TMEM131: variants seen among roughly 807,000 people sequenced by gnomAD.
TMEM131 encodes the protein 2610524E03Rik.
TMEM131 carries 66 observed loss-of-function variants against 211.6 expected under a neutral mutation model. The observed-to-expected ratio is 0.31, with a 90% CI of 0.26 to 0.38. The LOEUF (loss-of-function observed/expected upper bound fraction) is 0.38, where lower values mean the gene tolerates loss of function less well. Ranked by LOEUF, TMEM131 falls within the 10% of genes least tolerant of loss-of-function variation. The pLI is 1.00. For missense variants in TMEM131, 2,036 were observed against 2,299.3 expected, an observed-to-expected ratio of 0.89 and a Z score of 2.34; for synonymous variants, 844 against 841.3, an observed-to-expected ratio of 1.00 and a Z score of -0.06.
At chr2:97,779,414 C>T (rs1351146335) in intron 31 of TMEM131, among the ~76,000 whole-genome samples, 1 of 152,220 alleles carries the variant, frequency 6.6e-6, no homozygotes, top group African/African-American at 2.4e-5. Flanking sequence ...CCGCTTGCCC[C>T]TGGGTGGGCT....
At chr2:97,797,217 T>C in intron 26 of TMEM131, 148 bp downstream of exon 26, 1 of 867,180 alleles carries the variant, frequency 1.2e-6, no homozygotes. Context: ...AACAAAGGTA[T>C]GTTTCATCAG....
At chr2:97,927,592 G>T in intron 1 of TMEM131, 105 bp from the exon 2 acceptor site, 4 of 949,600 alleles carry the variant, frequency 4.2e-6, no homozygotes, top group Middle Eastern at 2.8e-4. Flanking sequence ...TCTAAAAATG[G>T]ACTGCTTAAT....
intron 3 of TMEM131, among the ~76,000 whole-genome samples, chr2:97,889,066 G>C (rs1280655758): frequency 6.6e-6 from 1 of 152,042 alleles, no homozygotes; most frequent in Admixed American, 6.6e-5. Flanking sequence ...AATAGACAAG[G>C]ACATTCATAA....
At chr2:97,964,189 A>T (rs1370182778) in intron 1 of TMEM131, among the ~76,000 whole-genome samples, 1 of 152,196 alleles carries the variant, frequency 6.6e-6, no homozygotes, top group Non-Finnish European at 1.5e-5. Context: ...CCCAGACAAA[A>T]TAATAATAAT....
chr2:97,928,974 T>C (rs1439794256), intron 1 of TMEM131, among the ~76,000 whole-genome samples: 3 of 151,864 alleles, frequency 2.0e-5, no homozygotes, highest in African/African-American at 7.3e-5. Flanking sequence ...CATACATGTA[T>C]TTCCTTGCTC....
At chr2:97,955,795 C>T (rs568705940) in intron 1 of TMEM131, among the ~76,000 whole-genome samples, 1 of 151,982 alleles carries the variant, frequency 6.6e-6, no homozygotes, top group South Asian at 2.1e-4. Context: ...AAAGTGAAAG[C>T]TATGTACAGG....
intron 17 of TMEM131, among the ~76,000 whole-genome samples, chr2:97,811,709 CGT>C (rs1392524293): frequency 3.9e-5 from 6 of 152,208 alleles, no homozygotes; most frequent in Non-Finnish European, 5.9e-5. Context: ...TCCACGGAAA[CGT>C]GTTTGTCAAC....
Position 97,805,112 on chromosome 2 carries a change from C to G in TMEM131, c.2378G>C (p.Gly793Ala). The change falls in exon 22 of 41, where the codon GGA (glycine) becomes GCA (alanine). Residue 793 changes from glycine (G) to alanine (A), a missense_variant. By Grantham distance (60) the Gly-to-Ala change is moderately conservative. This residue lies in a region of TMEM131 where 1,623 missense variants were observed against 1,805.9 expected (regional missense o/e 0.90). Coordinates refer to ENST00000186436, the MANE Select transcript of TMEM131 (RefSeq NM_015348.2). ...CCTATGACCTGAATTTTCCTTTATTCCTGTCCATCCCTTGAACAGGCTTTG... is the reference window on the plus strand; with the variant it reads ...CCTATGACCTGAATTTTCCTTTATTGCTGTCCATCCCTTGAACAGGCTTTG... ...LHQSLFKGWT[G>A]IKENSGHRLS... 1.2e-6 allele frequency: 2 copies of G among 1,612,856 alleles called. No individual in the cohort carries two copies. Among genetic ancestry groups the G allele is most frequent in the Non-Finnish European group, 1.7e-6 (2 of 1,179,460 alleles).
At chr2:97,867,264 T>C (rs1272635869) in intron 4 of TMEM131, among the ~76,000 whole-genome samples, 2 of 152,232 alleles carry the variant, frequency 1.3e-5, no homozygotes, top group African/African-American at 4.8e-5. Context: ...ATAGCCATTA[T>C]TGAAAATGGG....
rs529644026 is a variant in TMEM131, at chr2:97,943,430, T to G, written c.188-15943A>C. ...CTCAACAAAATACAAGCAAATCATA[T>G]CTAGAAACATATACAAAGGATTATA... On this transcript the variant is annotated intron_variant, in intron 1 of 40. Transcript: ENST00000186436. 2.0e-5 allele frequency among the ~76,000 whole-genome samples: 3 copies of G among 152,114 alleles called. No individual in the cohort carries two copies. In the South Asian group the frequency reaches 6.2e-4, roughly 31 times the overall value.
intron 1 of TMEM131, among the ~76,000 whole-genome samples, chr2:97,956,482 A>T (rs566058139): frequency 6.6e-6 from 1 of 152,150 alleles, no homozygotes; most frequent in Non-Finnish European, 1.5e-5. Context: ...TCAGGGTACA[A>T]ATTAAAATTT....
chr2:97,924,417 G>A (rs756519147), intron 2 of TMEM131, among the ~76,000 whole-genome samples: 5 of 152,216 alleles, frequency 3.3e-5, no homozygotes, highest in Admixed American at 1.3e-4. Context: ...GTGGAGCTCC[G>A]TATGCTGGCC....
intron 4 of TMEM131, among the ~76,000 whole-genome samples, chr2:97,864,565 G>A (rs1020515237): frequency 1.3e-5 from 2 of 151,870 alleles, no homozygotes; most frequent in African/African-American, 4.8e-5. Flanking sequence ...ATTAATCAGG[G>A]GCTAATTTAG....
intron 1 of TMEM131, among the ~76,000 whole-genome samples, chr2:97,976,053 T>C (rs1407158550): frequency 1.3e-5 from 2 of 152,106 alleles, no homozygotes; most frequent in Non-Finnish European, 2.9e-5. Flanking sequence ...AAGAACCTCC[T>C]CAACCTGGGA....
At chr2:97,881,488 G>A (rs1037297090) in intron 4 of TMEM131, among the ~76,000 whole-genome samples, 8 of 151,782 alleles carry the variant, frequency 5.3e-5, no homozygotes, top group Admixed American at 2.0e-4. Flanking sequence ...GATTACAGGC[G>A]TGAGCCACAG....
intron 5 of TMEM131, among the ~76,000 whole-genome samples, chr2:97,857,961 A>G (rs1673916245): frequency 6.6e-6 from 1 of 152,252 alleles, no homozygotes; most frequent in Non-Finnish European, 1.5e-5. Context: ...TAGAAAAGGG[A>G]TATTTCCACA....
At chr2:97,880,292 T>C (rs1401733857) in intron 4 of TMEM131, among the ~76,000 whole-genome samples, 1 of 152,204 alleles carries the variant, frequency 6.6e-6, no homozygotes, top group Middle Eastern at 3.2e-3. Context: ...ATTTAGCATT[T>C]ATCCTGAAGG....
chr2:97,757,262 C>G lies in TMEM131; in HGVS notation c.5489G>C (p.Gly1830Ala). 1 of 1,613,850 alleles carries G rather than the reference C, an allele frequency of 6.2e-7. No individual in the cohort carries two copies. Among genetic ancestry groups the G allele is most frequent in the Non-Finnish European group, 8.5e-7 (1 of 1,179,872 alleles). Residue 1830 changes from glycine to alanine, a missense_variant, in exon 41 of 41, where the codon GGC (glycine) becomes GCC (alanine). Physicochemically the swap from Gly to Ala is moderately conservative, Grantham distance 60. Coordinates refer to ENST00000186436, the MANE Select transcript of TMEM131 (RefSeq NM_015348.2). ...TTPANTLASI[G>A]LMGTENSPAP... ...AGGGGAGTTTTCTGTGCCCATGAGG[C>G]CGATGCTTGCCAGCGTGTTTGCTGG...
chr2:97,990,173 T>C (rs1166558821), intron 1 of TMEM131, among the ~76,000 whole-genome samples: 1 of 152,236 alleles, frequency 6.6e-6, no homozygotes, highest in Non-Finnish European at 1.5e-5. Context: ...AAAGAGACAG[T>C]AGCTTCGAAT....
Sources: allele counts gnomAD v4.1 joint callset (sites outside exome capture counted in the v4.1 genomes callset), GRCh38; gene constraint gnomAD v4.1.1; regional missense constraint gnomAD v4.1.1; transcripts MANE v1.5; gene names NCBI Gene and HGNC (gene_info 2026-07-23, HGNC 2026-07-21).